Variants in RUFY2 observed in about 807,000 individuals in gnomAD.
The protein encoded by RUFY2 is RUN and FYVE domain containing 2.
A neutral mutation model predicts 94.4 loss-of-function variants in RUFY2; 49 were observed. The ratio of observed to expected loss-of-function variants is 0.52; its 90% CI spans 0.41 to 0.66. RUFY2 has a LOEUF of 0.66. RUFY2 is among the 30% of genes least tolerant of loss of function. The pLI is 0.00. For missense variants in RUFY2, 541 were observed against 692.8 expected, an observed-to-expected ratio of 0.78 and a Z score of 2.46; for synonymous variants, 255 against 235.7, an observed-to-expected ratio of 1.08 and a Z score of -0.75.
chr10:68,378,155 T>C (rs780141810), intron 12 of RUFY2: 7 of 987,032 alleles, frequency 7.1e-6, no homozygotes, highest in Non-Finnish European at 8.4e-6. Context: ...TTTTAAAGCA[T>C]ATGTAAAAAT....
intron 11 of RUFY2, 46 bp from the exon 12 acceptor site, chr10:68,379,567 G>T: frequency 7.4e-7 from 1 of 1,345,284 alleles, no homozygotes; most frequent in Non-Finnish European, 1.1e-6. Flanking sequence ...TTGTGTGTGT[G>T]TGTTTGTGTG....
At chr10:68,397,220 T>C (rs2050456600) in intron 3 of RUFY2, among the ~76,000 whole-genome samples, 2 of 152,240 alleles carry the variant, frequency 1.3e-5, no homozygotes, top group African/African-American at 4.8e-5. Flanking sequence ...ACCTATGCTA[T>C]ATAGTATACC....
At chr10:68,377,199 C>T in intron 12 of RUFY2, 1 of 1,370,992 alleles carries the variant, frequency 7.3e-7, no homozygotes, top group South Asian at 1.7e-5. Context: ...AGAATACTAT[C>T]TTCAAATTTG....
Position 68,343,830 on chromosome 10 carries a change from AAAAGC to A in RUFY2, c.*1933_*1937del, listed in dbSNP as rs2046120114. ...GCCTAAAAAAAAAAAAAAAAAAAAA[AAAAGC>A]AAGTCAGTCAGTGTTGATACATGAG... On this transcript the variant is annotated 3_prime_UTR_variant, in exon 18 of 18. Transcript: ENST00000602465. The A allele has an allele frequency of 6.7e-6, 1 of 150,010 alleles. No individual in the cohort carries two copies. The highest frequency in any genetic ancestry group is 2.4e-5 in the African/African-American group (1 of 40,888). The allele number at this position is 150,010 out of a possible 1,614,324, so 9.3% of individuals were successfully genotyped here. A position where few individuals can be genotyped will look rare whatever the true frequency, so the allele number is the denominator to read the frequency against.
intron 7 of RUFY2, among the ~76,000 whole-genome samples, chr10:68,392,618 C>A (rs932693626): frequency 6.6e-6 from 1 of 151,850 alleles, no homozygotes; most frequent in Non-Finnish European, 1.5e-5. Flanking sequence ...GATGAAGATT[C>A]TGTATTAAAA....
chr10:68,342,661 A>G (rs747805076), downstream of RUFY2: 1 of 152,610 alleles, frequency 6.6e-6, no homozygotes, highest in Non-Finnish European at 1.5e-5. Flanking sequence ...TTACCTGGGT[A>G]TGAGAGTGTT....
chr10:68,400,788 G>A lies in RUFY2; in HGVS notation c.296+832C>T, dbSNP rs112846487. Among the ~76,000 whole-genome samples, 1,128 of 152,150 alleles carry A rather than the reference G, an allele frequency of 7.4e-3. 25 individuals are homozygous for A. Among genetic ancestry groups the A allele is most frequent in the African/African-American group, 0.026 (1,062 of 41,480 alleles). On this transcript the variant is annotated intron_variant, in intron 3 of 17. Coordinates refer to ENST00000602465, the MANE Select transcript of RUFY2 (RefSeq NM_001330103.2). ...AGCACTTTAGGAGGCTGAGGCAGGC[G>A]GATCACGAGGTCAGGAGATCGAGAC...
rs2046088582 is a variant in RUFY2, at chr10:68,343,450, T to C, written c.*2318A>G. 6.6e-6 allele frequency: 1 copy of C among 152,576 alleles called. No individual in the cohort carries two copies. The highest frequency in any genetic ancestry group is 6.6e-5 in the Admixed American group (1 of 15,266). The allele number at this position is 152,576 out of a possible 1,614,324, so 9.5% of individuals were successfully genotyped here. Reference sequence around the variant, plus strand: ...GTGTTTTATTTTCCCAGGATTACTCTCTTAACATCTTAAAGCAGTAAAAGT... The same window carrying C: ...GTGTTTTATTTTCCCAGGATTACTCCCTTAACATCTTAAAGCAGTAAAAGT... On this transcript the variant is annotated 3_prime_UTR_variant, in exon 18 of 18. Transcript: ENST00000602465.
chr10:68,382,713 C>CAA (rs1275714576), intron 10 of RUFY2, among the ~76,000 whole-genome samples: 4 of 59,068 alleles, frequency 6.8e-5, no homozygotes, highest in African/African-American at 1.4e-4. Context: ...GACTCTATCT[C>CAA]AAAAAAAAAA....
intron 3 of RUFY2, 117 bp downstream of exon 3, chr10:68,401,503 A>G: frequency 1.5e-6 from 1 of 650,060 alleles, no homozygotes; most frequent in East Asian, 2.5e-5. Flanking sequence ...TTATAAGAGG[A>G]TTAGAAGAAG....
chr10:68,378,478 A>G (rs1186713457), intron 12 of RUFY2: 3 of 1,360,858 alleles, frequency 2.2e-6, no homozygotes, highest in Admixed American at 3.3e-5. Context: ...AGAATATTTA[A>G]TAGCATTTAG....
At chr10:68,366,109 T>C (rs182690106) in intron 13 of RUFY2, among the ~76,000 whole-genome samples, 1 of 152,132 alleles carries the variant, frequency 6.6e-6, no homozygotes, top group East Asian at 1.9e-4. Context: ...GGCAGATCTC[T>C]TGAGGCCAAG....
chr10:68,341,574 T>C (rs1464214695), downstream of RUFY2: 1 of 1,571,162 alleles, frequency 6.4e-7, no homozygotes, highest in Non-Finnish European at 8.7e-7. Context: ...CTCTTTCTTT[T>C]TTTCTTAAAG....
chr10:68,349,045 C>G (rs1380278976), intron 16 of RUFY2, among the ~76,000 whole-genome samples: 1 of 152,126 alleles, frequency 6.6e-6, no homozygotes, highest in Non-Finnish European at 1.5e-5. Flanking sequence ...CCTGTAAATA[C>G]TAAACATTTG....
At chr10:68,391,993 C>CAA (rs1474562170) in intron 7 of RUFY2, among the ~76,000 whole-genome samples, 1 of 151,080 alleles carries the variant, frequency 6.6e-6, no homozygotes, top group Non-Finnish European at 1.5e-5. Flanking sequence ...AACAAACAAA[C>CAA]AAAAAAACTA....
Position 68,407,262 on chromosome 10 carries a change from G to A in RUFY2, c.-73C>T, listed in dbSNP as rs2051402838. On this transcript the variant is annotated 5_prime_UTR_variant, in exon 1 of 18. Transcript: ENST00000602465. ...CAGCAGCTCCTTCCAGGCGCTCGGC[G>A]GCCACCACCGCATCTGCAGCCAGGC... The A allele has an allele frequency of 5.7e-6, 7 of 1,233,420 alleles. No individual in the cohort carries two copies. The highest frequency in any genetic ancestry group is 1.6e-5 in the African/African-American group (1 of 63,320). The allele number at this position is 1,233,420 out of a possible 1,614,324, so 76.4% of individuals were successfully genotyped here. A position where few individuals can be genotyped will look rare whatever the true frequency, so the allele number is the denominator to read the frequency against.
Position 68,401,707 on chromosome 10 carries a change from G to A in RUFY2, c.209C>T (p.Thr70Ile), listed in dbSNP as rs758682535. ...VRKSFLSYNKTIWGPLELVEK... is the reference protein window; with the variant it reads ...VRKSFLSYNKIIWGPLELVEK... ...CACCAGTTCCAAAGGGCCCCAGATG[G>A]TTTTGTTGTAACTCAAAAATGATTT... Residue 70 changes from threonine to isoleucine, a missense_variant, in exon 3 of 18, where the codon ACC (threonine) becomes ATC (isoleucine). Thr to Ile is a moderately conservative substitution (Grantham distance 89). Transcript: ENST00000602465. 6.2e-7 allele frequency: 1 copy of A among 1,613,348 alleles called. No individual in the cohort carries two copies. The highest frequency in any genetic ancestry group is 1.3e-5 in the African/African-American group (1 of 74,976).
intron 15 of RUFY2, among the ~76,000 whole-genome samples, chr10:68,361,862 GGTTA>G (rs994171691): frequency 7.2e-5 from 11 of 152,144 alleles, no homozygotes; most frequent in South Asian, 2.1e-4. Context: ...AATTGTTTGA[GGTTA>G]GTTAAACTTT....
intron 11 of RUFY2, among the ~76,000 whole-genome samples, chr10:68,380,452 A>T (rs2048976376): frequency 6.6e-6 from 1 of 152,118 alleles, no homozygotes. Context: ...CTCCACCTTC[A>T]ATATTTTTGG....
Sources: gnomAD v4.1 joint callset for allele counts (sites outside exome capture counted in the v4.1 genomes callset) on GRCh38, gnomAD v4.1.1 for gene constraint, MANE v1.5 for transcripts, NCBI Gene and HGNC (gene_info 2026-07-23, HGNC 2026-07-21) for gene names.